CPE: variants seen among roughly 807,000 people sequenced by gnomAD.
The protein encoded by CPE is carboxypeptidase E, also known as carbocypeptidase E.
In CPE, 17 loss-of-function variants were observed where a neutral mutation model predicts 53.5. That is an observed-to-expected ratio of 0.32 (90% CI 0.22 to 0.48). The LOEUF (loss-of-function observed/expected upper bound fraction) is 0.48, where lower values mean the gene tolerates loss of function less well. Ranked by LOEUF, CPE falls within the 20% of genes least tolerant of loss-of-function variation. CPE has a pLI of 0.99. For missense variants in CPE, 524 were observed against 614.7 expected, an observed-to-expected ratio of 0.85 and a Z score of 1.56; for synonymous variants, 226 against 228.8, an observed-to-expected ratio of 0.99 and a Z score of 0.11.
chr4:165,422,635 T>C (rs1316538057), intron 1 of CPE, among the ~76,000 whole-genome samples: 1 of 152,136 alleles, frequency 6.6e-6, no homozygotes, highest in Non-Finnish European at 1.5e-5. Flanking sequence ...GGGCACAGCT[T>C]GGTTTTATAC....
At chr4:165,412,349 G>A (rs113770990) in intron 1 of CPE, among the ~76,000 whole-genome samples, 1,980 of 152,172 alleles carry the variant, frequency 0.013, 26 homozygotes, top group African/African-American at 0.032. Flanking sequence ...TTACAATTAC[G>A]TAATCCTTTA....
chr4:165,403,942 A>G (rs1730912257), intron 1 of CPE: 1 of 536,310 alleles, frequency 1.9e-6, no homozygotes, highest in Non-Finnish European at 3.5e-6. Flanking sequence ...CAGGGAGCAA[A>G]CCCAATGCCG....
chr4:165,419,217 TCTC>T (rs1731169351), intron 1 of CPE, among the ~76,000 whole-genome samples: 1 of 152,200 alleles, frequency 6.6e-6, no homozygotes, highest in African/African-American at 2.4e-5. Context: ...GTTGGATTCT[TCTC>T]TATTTTTATT....
intron 1 of CPE, among the ~76,000 whole-genome samples, chr4:165,462,099 C>A (rs565259883): frequency 6.6e-6 from 1 of 152,276 alleles, no homozygotes; most frequent in African/African-American, 2.4e-5. Context: ...TGAGAGAAAT[C>A]TGCAGATTTG....
At chr4:165,437,587 C>A (rs923960259) in intron 1 of CPE, among the ~76,000 whole-genome samples, 1 of 152,136 alleles carries the variant, frequency 6.6e-6, no homozygotes, top group Non-Finnish European at 1.5e-5. Flanking sequence ...CTCTTGAGAT[C>A]ATTATATCTA....
chr4:165,408,107 G>A (rs1167664101), intron 1 of CPE, among the ~76,000 whole-genome samples: 1 of 152,170 alleles, frequency 6.6e-6, no homozygotes, highest in East Asian at 1.9e-4. Context: ...CATTCTGTGT[G>A]TTGTCTCCTT....
chr4:165,495,090 C>T (rs1463188420), intron 7 of CPE, among the ~76,000 whole-genome samples: 1 of 152,108 alleles, frequency 6.6e-6, no homozygotes, highest in Non-Finnish European at 1.5e-5. Context: ...CTAGGGTGCC[C>T]AGTGTATTCT....
chr4:165,442,323 C>A (rs1361414353), intron 1 of CPE, among the ~76,000 whole-genome samples: 1 of 152,106 alleles, frequency 6.6e-6, no homozygotes, highest in African/African-American at 2.4e-5. Flanking sequence ...GGATTACAGG[C>A]ATGAACCACT....
intron 2 of CPE, among the ~76,000 whole-genome samples, chr4:165,466,684 T>C (rs891803082): frequency 2.0e-5 from 3 of 152,012 alleles, no homozygotes; most frequent in Non-Finnish European, 4.4e-5. Context: ...GCCCAGCTAA[T>C]TTTTTATATT....
At chr4:165,426,504 G>A (rs1166065508) in intron 1 of CPE, among the ~76,000 whole-genome samples, 1 of 152,110 alleles carries the variant, frequency 6.6e-6, no homozygotes, top group Non-Finnish European at 1.5e-5. Context: ...AGGTCCCCAG[G>A]TGATTCATAT....
At chr4:165,446,665 A>G (rs192706393) in intron 1 of CPE, among the ~76,000 whole-genome samples, 330 of 152,258 alleles carry the variant, frequency 2.2e-3, no homozygotes, top group African/African-American at 7.8e-3. Flanking sequence ...ATTTTCTAAT[A>G]GTTTGGAAAA....
At chr4:165,495,018 G>A (rs1241007879) in intron 7 of CPE, among the ~76,000 whole-genome samples, 1 of 152,148 alleles carries the variant, frequency 6.6e-6, no homozygotes, top group East Asian at 1.9e-4. Flanking sequence ...ATTTTACCAA[G>A]TTCCCAGGTT....
chr4:165,444,141 C>T (rs550343887), intron 1 of CPE, among the ~76,000 whole-genome samples: 4 of 152,186 alleles, frequency 2.6e-5, no homozygotes, highest in South Asian at 4.1e-4. Context: ...TGAGGGTGCA[C>T]GATTTAGCCC....
intron 1 of CPE, among the ~76,000 whole-genome samples, chr4:165,394,581 GT>G (rs1188039929): frequency 2.6e-5 from 4 of 152,018 alleles, no homozygotes; most frequent in African/African-American, 9.7e-5. Context: ...GAGGTTTCCT[GT>G]TAAAAAAACA....
intron 1 of CPE, among the ~76,000 whole-genome samples, chr4:165,389,383 G>GT (rs1313362637): frequency 3.3e-5 from 5 of 152,074 alleles, no homozygotes; most frequent in Non-Finnish European, 5.9e-5. Context: ...GGAATTGAGA[G>GT]TTTTTTCTTT....
intron 6 of CPE, among the ~76,000 whole-genome samples, chr4:165,489,380 C>T (rs73860796): frequency 0.013 from 2,037 of 152,278 alleles, 49 homozygotes; most frequent in African/African-American, 0.045. Flanking sequence ...ACTAGTTTCA[C>T]ATCCCAGGCA....
intron 1 of CPE, among the ~76,000 whole-genome samples, chr4:165,456,446 A>G (rs1731902317): frequency 6.6e-6 from 1 of 152,206 alleles, no homozygotes; most frequent in African/African-American, 2.4e-5. Context: ...GCTTCTTTTA[A>G]TTATCCTAGC....
intron 1 of CPE, among the ~76,000 whole-genome samples, chr4:165,414,684 A>T (rs897422556): frequency 7.1e-5 from 10 of 141,408 alleles, no homozygotes; most frequent in African/African-American, 2.1e-4. Context: ...GAGATAAAGT[A>T]ATATATATAT....
intron 1 of CPE, among the ~76,000 whole-genome samples, chr4:165,402,908 C>T (rs1331442296): frequency 6.6e-6 from 1 of 152,102 alleles, no homozygotes; most frequent in Non-Finnish European, 1.5e-5. Flanking sequence ...GAGAAAACTA[C>T]CTTTGTTTAT....
Sources: gnomAD v4.1 joint callset for allele counts (sites outside exome capture counted in the v4.1 genomes callset) on GRCh38, gnomAD v4.1.1 for gene constraint, MANE v1.5 for transcripts, NCBI Gene and HGNC (gene_info 2026-07-23, HGNC 2026-07-21) for gene names.